Variants in NFIC observed in about 807,000 individuals in gnomAD.
The protein encoded by NFIC is nuclear factor 1 C-type.
A neutral mutation model predicts 54.4 loss-of-function variants in NFIC; 12 were observed. The observed-to-expected ratio is 0.22, with a 90% CI of 0.14 to 0.36. The LOEUF is 0.36. Ranked by LOEUF, NFIC falls within the 10% of genes least tolerant of loss-of-function variation. The pLI is 1.00. For synonymous variants in NFIC, 322 were observed against 319.2 expected, an observed-to-expected ratio of 1.01 and a Z score of -0.09; for missense variants, 575 against 718.2, an observed-to-expected ratio of 0.80 and a Z score of 2.28.
intron 7 of NFIC, among the ~76,000 whole-genome samples, chr19:3,451,645 A>AG (rs1026075547): frequency 6.6e-6 from 1 of 151,400 alleles, no homozygotes; most frequent in African/African-American, 2.4e-5. Flanking sequence ...AAAAAAAAAA[A>AG]AAAGATCACT....
chr19:3,372,408 TG>T (rs201240961), intron 1 of NFIC, among the ~76,000 whole-genome samples: 2,241 of 152,078 alleles, frequency 0.015, 28 homozygotes, highest in Non-Finnish European at 0.023. Flanking sequence ...TCCTTACACA[TG>T]GGGGTGCATG....
rs200945631 is a variant in NFIC at position 3,370,698 on chromosome 19, C to CTCTT, written c.30+4040_30+4043dup. ...GTTCCTCTTCTTTCTCTCTGTCTGTCTCTTTCTTTCTCCCTCCCTTCCTCT... is the reference window on the plus strand; with the variant it reads ...GTTCCTCTTCTTTCTCTCTGTCTGTCTCTTTCTTTCTTTCTCCCTCCCTTCCTCT... On this transcript the variant is annotated intron_variant, in intron 1 of 10. Transcript: ENST00000443272. The surrounding 1 kb of genome is among the most constrained non-coding windows in gnomAD (Gnocchi z 5.2). 6.7e-5 allele frequency among the ~76,000 whole-genome samples: 10 copies of CTCTT among 149,930 alleles called. No homozygotes were observed. Among genetic ancestry groups the CTCTT allele is most frequent in the Non-Finnish European group, 1.2e-4 (8 of 67,380 alleles).
intron 1 of NFIC, among the ~76,000 whole-genome samples, chr19:3,377,686 ACTGCAGCCTCGACCT>A (rs2081132308): frequency 6.6e-6 from 1 of 152,050 alleles, no homozygotes; most frequent in Admixed American, 6.6e-5. Context: ...ATCACAGCTC[ACTGCAGCCTCGACCT>A]CTGAGGCTCA....
intron 3 of NFIC, among the ~76,000 whole-genome samples, chr19:3,429,248 AT>A (rs869137487): frequency 0.08 from 4,777 of 60,062 alleles, 1,044 homozygotes; most frequent in African/African-American, 0.2. Context: ...AAAAAAAAAA[AT>A]ATATACACAC....
chr19:3,417,061 A>G (rs1166215210), intron 2 of NFIC, among the ~76,000 whole-genome samples: 1 of 146,660 alleles, frequency 6.8e-6, no homozygotes, highest in Non-Finnish European at 1.5e-5. Context: ...TTTTTTTTGT[A>G]TTTTTAGTAG....
intron 1 of NFIC, among the ~76,000 whole-genome samples, chr19:3,360,402 G>A (rs1044380011): frequency 1.3e-5 from 2 of 151,372 alleles, no homozygotes; most frequent in Admixed American, 1.3e-4. Context: ...GTCTCGGCCC[G>A]GCGCGCCCCA....
At chr19:3,372,655 A>C (rs1426437016) in intron 1 of NFIC, among the ~76,000 whole-genome samples, 1 of 144,186 alleles carries the variant, frequency 6.9e-6, no homozygotes, top group Non-Finnish European at 1.5e-5. Context: ...GGTGCAGACC[A>C]GGTGTCACTG....
intron 3 of NFIC, among the ~76,000 whole-genome samples, chr19:3,429,572 C>T (rs539272443): frequency 1.1e-4 from 16 of 152,248 alleles, no homozygotes; most frequent in Admixed American, 5.9e-4. Flanking sequence ...GCCTGGGCAA[C>T]AGAGCAAAAT....
chr19:3,422,894 C>T (rs1432538064), intron 2 of NFIC, among the ~76,000 whole-genome samples: 1 of 151,784 alleles, frequency 6.6e-6, no homozygotes, highest in Non-Finnish European at 1.5e-5. Flanking sequence ...CCGCAGCTTT[C>T]CTTGTTTATG....
At chr19:3,439,864 A>G (rs1389722625) in intron 6 of NFIC, among the ~76,000 whole-genome samples, 1 of 151,012 alleles carries the variant, frequency 6.6e-6, no homozygotes, top group Non-Finnish European at 1.5e-5. Context: ...AATTTTTTGT[A>G]TTTTTAGTAG....
chr19:3,411,766 C>CTGTGAGGA (rs965793800), intron 2 of NFIC, among the ~76,000 whole-genome samples: 3 of 152,332 alleles, frequency 2.0e-5, no homozygotes, highest in South Asian at 4.1e-4. Context: ...CCCAGCCCGG[C>CTGTGAGGA]TGTGAGGAGT....
intron 3 of NFIC, among the ~76,000 whole-genome samples, chr19:3,425,819 A>T (rs1319075317): frequency 6.7e-6 from 1 of 150,082 alleles, no homozygotes; most frequent in African/African-American, 2.5e-5. Context: ...CAGTGACACC[A>T]TCCTAGCTCA....
In NFIC at chr19:3,468,211, C is replaced by A. The variant is rs1270274496; in HGVS notation, c.*5442C>A. Reference sequence around the variant, plus strand: ...CCCCACCCCCCCGTCCATGGCAGCCCCCTCCCCAAGGCTTTGCTCACACCT... The same window carrying A: ...CCCCACCCCCCCGTCCATGGCAGCCACCTCCCCAAGGCTTTGCTCACACCT... On this transcript the variant is annotated 3_prime_UTR_variant, in exon 11 of 11. Coordinates refer to ENST00000443272, the MANE Select transcript of NFIC (RefSeq NM_001245002.2). 6.7e-6 allele frequency: 1 copy of A among 149,960 alleles called. No individual in the cohort carries two copies. Among genetic ancestry groups the A allele is most frequent in the Non-Finnish European group, 1.5e-5 (1 of 67,420 alleles). The allele number at this position is 149,960 out of a possible 1,614,324, so 9.3% of individuals were successfully genotyped here.
chr19:3,403,982 C>A (rs1483429877), intron 2 of NFIC, among the ~76,000 whole-genome samples: 1 of 152,168 alleles, frequency 6.6e-6, no homozygotes, highest in Non-Finnish European at 1.5e-5. Context: ...GCCAGTGGCA[C>A]ATGTGGCTCC....
At chr19:3,366,870 G>C (rs873007) in intron 1 of NFIC, among the ~76,000 whole-genome samples, 2 of 151,428 alleles carry the variant, frequency 1.3e-5, no homozygotes, top group African/African-American at 4.9e-5. Context: ...TACCTACCGC[G>C]GACCCCCTAC....
intron 2 of NFIC, among the ~76,000 whole-genome samples, chr19:3,385,400 G>C (rs1599587602): frequency 6.6e-6 from 1 of 152,094 alleles, no homozygotes; most frequent in Admixed American, 6.6e-5. Context: ...GAAATGTCAA[G>C]TGCCCAGGGT....
At chr19:3,367,332 G>T (rs915041407) in intron 1 of NFIC, among the ~76,000 whole-genome samples, 1 of 152,188 alleles carries the variant, frequency 6.6e-6, no homozygotes, top group Non-Finnish European at 1.5e-5. Context: ...CACCGTCCCG[G>T]TATTTTCGCT....
At chr19:3,365,771 G>A (rs892653590), upstream of NFIC, among the ~76,000 whole-genome samples, 6 of 152,278 alleles carry the variant, frequency 3.9e-5, no homozygotes, top group African/African-American at 1.4e-4. Context: ...ACACACAGGC[G>A]AGGCCACCCC....
chr19:3,408,147 C>T (rs914649339), intron 2 of NFIC, among the ~76,000 whole-genome samples: 10 of 152,120 alleles, frequency 6.6e-5, no homozygotes, highest in South Asian at 2.1e-4. Flanking sequence ...GGCGAGCTCA[C>T]GGTGGCGGCC....
Sources: gnomAD v4.1 joint callset for allele counts (sites outside exome capture counted in the v4.1 genomes callset) on GRCh38, gnomAD v4.1.1 for gene constraint, Gnocchi (gnomAD v3.1) non-coding constraint, MANE v1.5 for transcripts, NCBI Gene and HGNC (gene_info 2026-07-23, HGNC 2026-07-21) for gene names.